SUFU: variants seen among roughly 807,000 people sequenced by gnomAD.
The protein encoded by SUFU is SUFU negative regulator of hedgehog signaling, also known as suppressor of fused homolog.
SUFU carries 7 observed loss-of-function variants against 58.9 expected under a neutral mutation model. The observed-to-expected ratio is 0.12, with a 90% CI of 0.07 to 0.22. The LOEUF (loss-of-function observed/expected upper bound fraction) is 0.22, where lower values mean the gene tolerates loss of function less well. Ranked by LOEUF, SUFU falls within the 10% of genes least tolerant of loss-of-function variation. The pLI is 1.00. For missense variants in SUFU, 451 were observed against 641.3 expected, an observed-to-expected ratio of 0.70 and a Z score of 3.20; for synonymous variants, 232 against 254.8, an observed-to-expected ratio of 0.91 and a Z score of 0.85.
chr10:102,512,115 C>G (rs1304188935), intron 2 of SUFU, among the ~76,000 whole-genome samples: 1 of 152,194 alleles, frequency 6.6e-6, no homozygotes. Flanking sequence ...CAGGTTTCAT[C>G]TCTTCGCTGG....
At chr10:102,612,169 T>TTG (rs34032732) in intron 8 of SUFU, among the ~76,000 whole-genome samples, 30,392 of 147,872 alleles carry the variant, frequency 0.21, 3,303 homozygotes, top group Middle Eastern at 0.28. Context: ...AACTGGGTTC[T>TTG]TGTGTGTGTG....
rs561461171 is a variant in SUFU at position 102,632,305 on chromosome 10, G to A, written c.*2150G>A. On this transcript the variant is annotated 3_prime_UTR_variant, in exon 12 of 12. Coordinates refer to ENST00000369902, the MANE Select transcript of SUFU (RefSeq NM_016169.4). ...TGGTGGCCCTGTTCTGGGGGAGCAGGGTAAGGCAGGAGGAAGTGGGTGAGC... is the reference window on the plus strand; with the variant it reads ...TGGTGGCCCTGTTCTGGGGGAGCAGAGTAAGGCAGGAGGAAGTGGGTGAGC... 4 of 233,360 alleles carry A rather than the reference G, an allele frequency of 1.7e-5. No individual in the cohort carries two copies. In the South Asian group the frequency reaches 7.2e-4, roughly 42 times the overall value. 14.5% of individuals were successfully genotyped at this position (233,360 alleles called of 1,614,324 possible). A position where few individuals can be genotyped will look rare whatever the true frequency, so the allele number is the denominator to read the frequency against.
At chr10:102,507,778 A>T (rs1451007417) in intron 1 of SUFU, among the ~76,000 whole-genome samples, 1 of 152,182 alleles carries the variant, frequency 6.6e-6, no homozygotes, top group Non-Finnish European at 1.5e-5. Flanking sequence ...TTCCACCAGC[A>T]TGCTATCCCA....
At chr10:102,567,853 A>G (rs976744091) in intron 3 of SUFU, among the ~76,000 whole-genome samples, 9 of 152,088 alleles carry the variant, frequency 5.9e-5, no homozygotes, top group African/African-American at 1.9e-4. Flanking sequence ...CTATAGCCCA[A>G]TATCCCCTAG....
intron 3 of SUFU, among the ~76,000 whole-genome samples, chr10:102,587,837 C>T (rs958578680): frequency 2.6e-5 from 4 of 152,142 alleles, no homozygotes; most frequent in African/African-American, 9.7e-5. Context: ...TTTACCTATC[C>T]TTTGTTACTT....
intron 8 of SUFU, among the ~76,000 whole-genome samples, chr10:102,614,879 TAAA>T (rs201612268): frequency 7.3e-6 from 1 of 137,246 alleles, no homozygotes; most frequent in Non-Finnish European, 1.6e-5. Context: ...CCATCTCAAT[TAAA>T]AAAAAAAAAA....
chr10:102,543,807 C>T (rs956258410), intron 2 of SUFU, among the ~76,000 whole-genome samples: 6 of 152,088 alleles, frequency 3.9e-5, no homozygotes, highest in Non-Finnish European at 7.3e-5. Context: ...GTACTGTTTC[C>T]AAATGTTTAA....
intron 2 of SUFU, among the ~76,000 whole-genome samples, chr10:102,542,948 G>A (rs1417512358): frequency 6.6e-6 from 1 of 152,092 alleles, no homozygotes; most frequent in Admixed American, 6.5e-5. Context: ...TCGCCTAACA[G>A]TGTTTATACC....
At chr10:102,613,506 T>C (rs555389307) in intron 8 of SUFU, among the ~76,000 whole-genome samples, 2 of 152,320 alleles carry the variant, frequency 1.3e-5, no homozygotes, top group African/African-American at 4.8e-5. Flanking sequence ...CCTGTTGGGG[T>C]GCCACCCTGG....
intron 3 of SUFU, among the ~76,000 whole-genome samples, chr10:102,573,537 G>C (rs1297370125): frequency 1.3e-5 from 2 of 152,196 alleles, no homozygotes; most frequent in Non-Finnish European, 2.9e-5. Context: ...TTGTGCACCA[G>C]TTTTCATAGC....
At chr10:102,507,839 G>A (rs1206605249) in intron 1 of SUFU, among the ~76,000 whole-genome samples, 1 of 152,200 alleles carries the variant, frequency 6.6e-6, no homozygotes, top group African/African-American at 2.4e-5. Context: ...AGCTTTTGCA[G>A]TCTGTGGAAT....
chr10:102,561,964 T>C (rs10883738), intron 3 of SUFU, among the ~76,000 whole-genome samples: 68,960 of 151,924 alleles, frequency 0.45, 16,051 homozygotes, highest in East Asian at 0.68. Flanking sequence ...CCACTGCGCC[T>C]GGCTAGCAAA....
chr10:102,527,449 C>T (rs1189256714), intron 2 of SUFU, among the ~76,000 whole-genome samples: 1 of 151,402 alleles, frequency 6.6e-6, no homozygotes, highest in Non-Finnish European at 1.5e-5. Flanking sequence ...GGTTTTATTT[C>T]CCCAAAAAGG....
Position 102,630,897 on chromosome 10 carries a change from G to A in SUFU, c.*742G>A, listed in dbSNP as rs142145337. ...AGGCTTTTCTTCCCAGCTGGGCCTG[G>A]TGGAGCCCGGGGCAGGGGGAGAGTA... On this transcript the variant is annotated 3_prime_UTR_variant, in exon 12 of 12. Coordinates refer to ENST00000369902, the MANE Select transcript of SUFU (RefSeq NM_016169.4). The A allele has an allele frequency of 5.8e-3, 1,374 of 235,612 alleles. 4 individuals carry two copies. Among genetic ancestry groups the A allele is most frequent in the Non-Finnish European group, 8.8e-3 (1,048 of 119,720 alleles). 14.6% of individuals were successfully genotyped at this position (235,612 alleles called of 1,614,324 possible).
intron 8 of SUFU, among the ~76,000 whole-genome samples, chr10:102,614,647 G>A (rs1317417815): frequency 2.1e-5 from 3 of 145,008 alleles, no homozygotes; most frequent in African/African-American, 5.1e-5. Context: ...AGGCCAGGAC[G>A]GGCAGATCAC....
At chr10:102,537,985 C>T (rs2062760597) in intron 2 of SUFU, among the ~76,000 whole-genome samples, 1 of 152,208 alleles carries the variant, frequency 6.6e-6, no homozygotes, top group African/African-American at 2.4e-5. Flanking sequence ...TACTGTTTTC[C>T]ATAGCAGCTG....
rs560807967 is a variant in SUFU at position 102,525,558 on chromosome 10, G to A, written c.317+16255G>A. Among the ~76,000 whole-genome samples the A allele has an allele frequency of 5.9e-5, 9 of 152,204 alleles. No individual in the cohort carries two copies. In the East Asian group the frequency reaches 1.5e-3, roughly 26 times the overall value. On this transcript the variant is annotated intron_variant, in intron 2 of 11. Coordinates refer to ENST00000369902, the MANE Select transcript of SUFU (RefSeq NM_016169.4). ...CGCCCAGGCTGGAGTGTAGTGGTGC[G>A]ATCTTGCGATCTCAGTTCACTGCAA... is the stretch of plus-strand genomic sequence containing the variant.
chr10:102,515,325 T>TC (rs2062454461), intron 2 of SUFU, among the ~76,000 whole-genome samples: 1 of 151,180 alleles, frequency 6.6e-6, no homozygotes, highest in Admixed American at 6.6e-5. Flanking sequence ...CTTTTTTTTT[T>TC]TTTTTTTTTG....
intron 8 of SUFU, among the ~76,000 whole-genome samples, chr10:102,612,735 CA>C (rs1348443381): frequency 2.0e-5 from 3 of 152,102 alleles, no homozygotes; most frequent in African/African-American, 7.2e-5. Context: ...TCAAAGATGG[CA>C]CAGGGGAGTG....
Sources: allele counts gnomAD v4.1 joint callset (sites outside exome capture counted in the v4.1 genomes callset), GRCh38; gene constraint gnomAD v4.1.1; transcripts MANE v1.5; gene names NCBI Gene and HGNC (gene_info 2026-07-23, HGNC 2026-07-21).